Variants in CHSY3 observed in about 807,000 individuals in gnomAD.
The protein encoded by CHSY3 is chondroitin sulfate synthase 3.
In CHSY3, 35 loss-of-function variants were observed where a neutral mutation model predicts 67.2. The observed-to-expected ratio is 0.52, with a 90% confidence interval of 0.40 to 0.69. The LOEUF (loss-of-function observed/expected upper bound fraction) is 0.69, where lower values mean the gene tolerates loss of function less well. Among genes scored for constraint, CHSY3 ranks in the 30% least tolerant of loss-of-function variants. The pLI is 0.00. For missense variants in CHSY3, 1,069 were observed against 1,138.5 expected (o/e 0.94, Z 0.88); for synonymous variants, 474 against 434.7 (o/e 1.09, Z -1.12).
At chr5:129,907,119 A>G (rs1256305049) in intron 1 of CHSY3, among the ~76,000 whole-genome samples, 1 of 152,236 alleles carries the variant, frequency 6.6e-6, no homozygotes, top group Non-Finnish European at 1.5e-5. Flanking sequence ...GTTTCCTGGC[A>G]GAAGTTTGCC....
chr5:130,023,987 A>G (rs1007919286), intron 2 of CHSY3, among the ~76,000 whole-genome samples: 3 of 151,930 alleles, frequency 2.0e-5, no homozygotes, highest in African/African-American at 7.2e-5. Context: ...ACATTTTCCT[A>G]ATACTAGGTA....
intron 2 of CHSY3, among the ~76,000 whole-genome samples, chr5:130,099,459 A>G (rs1767158276): frequency 6.6e-6 from 1 of 152,216 alleles, no homozygotes; most frequent in African/African-American, 2.4e-5. Flanking sequence ...AGTCTTATAT[A>G]ATTCTCAAAA....
At chr5:130,048,090 G>A (rs1466956559) in intron 2 of CHSY3, among the ~76,000 whole-genome samples, 1 of 147,302 alleles carries the variant, frequency 6.8e-6, no homozygotes, top group African/African-American at 2.7e-5. Flanking sequence ...CAAATTAGTA[G>A]AACGAAGTAC....
chr5:129,909,354 TTAGTA>T (rs1760448765), intron 2 of CHSY3, among the ~76,000 whole-genome samples: 1 of 152,082 alleles, frequency 6.6e-6, no homozygotes, highest in Non-Finnish European at 1.5e-5. Flanking sequence ...TTCATGTCAC[TTAGTA>T]TAGAAGAAAC....
intron 2 of CHSY3, among the ~76,000 whole-genome samples, chr5:129,962,432 C>T (rs1180646944): frequency 1.3e-5 from 2 of 152,010 alleles, no homozygotes; most frequent in African/African-American, 4.8e-5. Context: ...TCATCTGTTT[C>T]CAGAGACACT....
chr5:130,024,028 T>A (rs565601826), intron 2 of CHSY3, among the ~76,000 whole-genome samples: 246 of 151,744 alleles, frequency 1.6e-3, no homozygotes, highest in African/African-American at 5.5e-3. Context: ...TTTTAAACAG[T>A]TTATTCCACT....
intron 2 of CHSY3, among the ~76,000 whole-genome samples, chr5:130,083,385 G>A (rs2530252): frequency 0.46 from 69,503 of 151,796 alleles, 16,238 homozygotes; most frequent in African/African-American, 0.54. Flanking sequence ...TTTAAAATGT[G>A]TCTCTCTGTG....
intron 2 of CHSY3, among the ~76,000 whole-genome samples, chr5:129,958,645 C>A (rs1434757900): frequency 4.6e-5 from 7 of 152,146 alleles, no homozygotes; most frequent in Non-Finnish European, 7.3e-5. Flanking sequence ...ATCTTCCTAC[C>A]TCATCCTCCT....
chr5:130,061,178 C>T (rs969499512), intron 2 of CHSY3, among the ~76,000 whole-genome samples: 3 of 151,982 alleles, frequency 2.0e-5, no homozygotes, highest in African/African-American at 7.2e-5. Context: ...AAGGCCATAG[C>T]AACTAAAATA....
At chr5:129,990,700 T>G (rs1247091022) in intron 2 of CHSY3, among the ~76,000 whole-genome samples, 1 of 152,176 alleles carries the variant, frequency 6.6e-6, no homozygotes, top group Non-Finnish European at 1.5e-5. Flanking sequence ...TATTCAATTA[T>G]TTCTTAGTTA....
intron 2 of CHSY3, among the ~76,000 whole-genome samples, chr5:130,102,825 T>C (rs552889077): frequency 6.6e-6 from 1 of 152,094 alleles, no homozygotes; most frequent in Non-Finnish European, 1.5e-5. Context: ...ATTTCAAAAC[T>C]GTTTTCTGCT....
intron 2 of CHSY3, among the ~76,000 whole-genome samples, chr5:130,036,322 T>G (rs1423069535): frequency 2.0e-5 from 3 of 152,162 alleles, no homozygotes; most frequent in African/African-American, 7.2e-5. Context: ...CATTCTTAAA[T>G]TACTTATATA....
At chr5:130,030,986 T>C (rs1302678150) in intron 2 of CHSY3, among the ~76,000 whole-genome samples, 3 of 152,072 alleles carry the variant, frequency 2.0e-5, no homozygotes, top group Non-Finnish European at 2.9e-5. Context: ...TTTTAATAGC[T>C]AGAGTATAGT....
intron 2 of CHSY3, among the ~76,000 whole-genome samples, chr5:130,058,530 AG>A (rs1765607947): frequency 6.6e-6 from 1 of 152,122 alleles, no homozygotes; most frequent in Non-Finnish European, 1.5e-5. Flanking sequence ...GGGGGGCTGA[AG>A]CAGGGGAATC....
At chr5:130,003,323 A>G (rs1465140538) in intron 2 of CHSY3, among the ~76,000 whole-genome samples, 2 of 152,244 alleles carry the variant, frequency 1.3e-5, no homozygotes, top group African/African-American at 2.4e-5. Flanking sequence ...TTTGATGGAC[A>G]GAAGGCTGTT....
rs191110693 is a variant in CHSY3, at chr5:130,027,293, A to T, written c.1086+118933A>T. On this transcript the variant is annotated intron_variant, in intron 2 of 2. Transcript: ENST00000305031. Reference sequence around the variant, plus strand: ...CCCAAACCCTGAACAACTTTGTAAAAGGAGAATATAGCTAGGAGGAAGAAT... The same window carrying T: ...CCCAAACCCTGAACAACTTTGTAAATGGAGAATATAGCTAGGAGGAAGAAT... Among the ~76,000 whole-genome samples the T allele has an allele frequency of 5.9e-5, 9 of 152,218 alleles. 1 individual carries two copies. The East Asian group carries it at 1.5e-3, about 26-fold the overall frequency.
chr5:130,071,288 C>A (rs1002799757), intron 2 of CHSY3, among the ~76,000 whole-genome samples: 1 of 151,956 alleles, frequency 6.6e-6, no homozygotes, highest in African/African-American at 2.4e-5. Flanking sequence ...TTAATTAGTT[C>A]TTGGTTGCCT....
Position 130,184,324 on chromosome 5 carries a change from T to A in CHSY3, c.1182T>A (p.His394Gln). 1 of 1,614,088 alleles carries A rather than the reference T, an allele frequency of 6.2e-7. No individual in the cohort carries two copies. Among genetic ancestry groups the A allele is most frequent in the Non-Finnish European group, 8.5e-7 (1 of 1,180,004 alleles). ...AAATCCATGCAGCCATAACACTTCA[T>A]CCCAACAAAAGGCCTGCATACCAAT... ...NSKIHAAITL[H>Q]PNKRPAYQYR... Residue 394 changes from histidine (H) to glutamine (Q), a missense_variant, in exon 3 of 3, where the codon CAT (histidine) becomes CAA (glutamine). Physicochemically the swap from His to Gln is conservative, Grantham distance 24. Around this residue, in one of 5 missense-constraint regions of CHSY3, gnomAD observed 216 missense variants for 311.5 expected, o/e 0.69. Coordinates refer to ENST00000305031, the MANE Select transcript of CHSY3 (RefSeq NM_175856.5).
intron 2 of CHSY3, among the ~76,000 whole-genome samples, chr5:130,045,245 G>T (rs1765111615): frequency 6.6e-6 from 1 of 152,114 alleles, no homozygotes; most frequent in Non-Finnish European, 1.5e-5. Flanking sequence ...GAGGTACACA[G>T]AGTGTAAAAG....
Sources: gnomAD v4.1 joint callset for allele counts (sites outside exome capture counted in the v4.1 genomes callset) on GRCh38, gnomAD v4.1.1 for gene constraint, gnomAD v4.1.1 regional missense constraint, MANE v1.5 for transcripts, NCBI Gene and HGNC (gene_info 2026-07-23, HGNC 2026-07-21) for gene names.